Variants in REDIC1 observed in about 807,000 individuals in gnomAD.
REDIC1 encodes the protein regulator of DNA class I crossover intermediates 1.
the REDIC1 span, among the ~76,000 whole-genome samples, chr12:39,882,890 A>G: frequency 3.0e-4 from 46 of 152,294 alleles, no homozygotes; most frequent in South Asian, 9.1e-3. Flanking sequence ...GATATACATC[A>G]TATTTCTATT....
chr12:39,822,541 C>G, the REDIC1 span, among the ~76,000 whole-genome samples: 1 of 152,202 alleles, frequency 6.6e-6, no homozygotes, highest in Admixed American at 6.5e-5. Context: ...CCAAGCTCCC[C>G]AGACTTCATC....
chr12:39,700,696 G>T, the REDIC1 span, among the ~76,000 whole-genome samples: 1 of 151,920 alleles, frequency 6.6e-6, no homozygotes, highest in South Asian at 2.1e-4. Flanking sequence ...GAAAGGTCGG[G>T]TTACCCTCAA....
At chr12:39,832,444 G>A in the REDIC1 span, among the ~76,000 whole-genome samples, 1 of 151,948 alleles carries the variant, frequency 6.6e-6, no homozygotes, top group Non-Finnish European at 1.5e-5. Context: ...AATGATAAAG[G>A]CTAATAATTA....
chr12:39,753,646 A>G, the REDIC1 span, among the ~76,000 whole-genome samples: 1 of 152,308 alleles, frequency 6.6e-6, no homozygotes, highest in African/African-American at 2.4e-5. Context: ...TTCTCAGGAA[A>G]GGATTTTATA....
At chr12:39,714,262 CAT>C in the REDIC1 span, among the ~76,000 whole-genome samples, 5 of 108,358 alleles carry the variant, frequency 4.6e-5, 2 homozygotes, top group South Asian at 1.3e-3. Context: ...TATATGCATG[CAT>C]ATATGTATAT....
At chr12:39,782,898 T>C in the REDIC1 span, among the ~76,000 whole-genome samples, 1 of 152,146 alleles carries the variant, frequency 6.6e-6, no homozygotes. Context: ...TACTTTAAGT[T>C]CTAGGGTACA....
chr12:39,685,014 A>G, the REDIC1 span: 7 of 902,700 alleles, frequency 7.8e-6, no homozygotes, highest in Non-Finnish European at 1.0e-5. Flanking sequence ...ACTTTGATTT[A>G]AGCTTAACAT....
At chr12:39,876,356 A>G in the REDIC1 span, among the ~76,000 whole-genome samples, 1 of 152,218 alleles carries the variant, frequency 6.6e-6, no homozygotes, top group Non-Finnish European at 1.5e-5. Context: ...TGAATACTTC[A>G]TATGCTTAAC....
At chr12:39,670,998 A>G in the REDIC1 span, among the ~76,000 whole-genome samples, 1 of 151,914 alleles carries the variant, frequency 6.6e-6, no homozygotes, top group Admixed American at 6.6e-5. Flanking sequence ...AGCTTCTTTT[A>G]TATCATGATT....
At chr12:39,829,864 C>T in the REDIC1 span, 5 of 518,038 alleles carry the variant, frequency 9.7e-6, no homozygotes, top group Non-Finnish European at 1.7e-5. Flanking sequence ...ATCCAAACTC[C>T]TATACCTTAT....
the REDIC1 span, among the ~76,000 whole-genome samples, chr12:39,696,036 A>G: frequency 1.3e-5 from 2 of 152,100 alleles, no homozygotes; most frequent in Admixed American, 6.5e-5. Flanking sequence ...GAACCACAGC[A>G]TTACTGGGCC....
chr12:39,641,036 T>G, the REDIC1 span: 1 of 1,514,758 alleles, frequency 6.6e-7, no homozygotes, highest in Non-Finnish European at 9.1e-7. Flanking sequence ...CTTATGAGAC[T>G]AATAACCTTG....
At chr12:39,730,113 A>G in the REDIC1 span, among the ~76,000 whole-genome samples, 1 of 152,080 alleles carries the variant, frequency 6.6e-6, no homozygotes, top group Non-Finnish European at 1.5e-5. Context: ...TTTTTATCCA[A>G]TTTGCCAGTC....
chr12:39,761,588 G>A, the REDIC1 span, among the ~76,000 whole-genome samples: 3 of 150,478 alleles, frequency 2.0e-5, no homozygotes, highest in Non-Finnish European at 4.4e-5. Flanking sequence ...TACAAAAAGG[G>A]TGATACTGAT....
At chr12:39,684,398 C>T in the REDIC1 span, 1 of 411,766 alleles carries the variant, frequency 2.4e-6, no homozygotes, top group Non-Finnish European at 3.3e-6. Context: ...AATTTTTATT[C>T]TGGAAGTGAT....
At chr12:39,821,423 T>A in the REDIC1 span, among the ~76,000 whole-genome samples, 1 of 150,848 alleles carries the variant, frequency 6.6e-6, no homozygotes, top group African/African-American at 2.5e-5. Flanking sequence ...AAAAAAAAAT[T>A]TTTTTTTGTG....
the REDIC1 span, among the ~76,000 whole-genome samples, chr12:39,667,824 C>A: frequency 6.6e-6 from 1 of 152,154 alleles, no homozygotes; most frequent in Non-Finnish European, 1.5e-5. Flanking sequence ...TATGTAATGG[C>A]CTTCTTTGTC....
the REDIC1 span, among the ~76,000 whole-genome samples, chr12:39,659,145 T>A: frequency 2.6e-5 from 4 of 152,062 alleles, no homozygotes; most frequent in Non-Finnish European, 2.9e-5. Context: ...GTCTTTTGAC[T>A]TGGTGTAGTT....
At chr12:39,695,783 A>G in the REDIC1 span, among the ~76,000 whole-genome samples, 1 of 152,126 alleles carries the variant, frequency 6.6e-6, no homozygotes, top group Non-Finnish European at 1.5e-5. Flanking sequence ...TAGTGGTTAC[A>G]GTGGACTTTG....
Sources: gnomAD v4.1 joint callset for allele counts (sites outside exome capture counted in the v4.1 genomes callset) on GRCh38, gnomAD v4.1.1 for gene constraint, MANE v1.5 for transcripts, NCBI Gene and HGNC (gene_info 2026-07-23, HGNC 2026-07-21) for gene names.